APOLD1: variants seen among roughly 807,000 people sequenced by gnomAD.
APOLD1 encodes the protein apolipoprotein L domain containing 1.
A neutral mutation model predicts 15.3 loss-of-function variants in APOLD1; 22 were observed. The ratio of observed to expected loss-of-function variants is 1.44; its 90% CI spans 1.03 to 2.05. The LOEUF is 2.05. APOLD1 is among the 30% of genes most tolerant of loss of function. The probability of loss-of-function intolerance (pLI) is 0.00; values close to 1 mark genes in which losing one functional copy is unlikely to be tolerated. For missense variants in APOLD1, 394 were observed against 353.5 expected, an observed-to-expected ratio of 1.11 and a Z score of -0.92; for synonymous variants, 190 against 167.4, an observed-to-expected ratio of 1.13 and a Z score of -1.04.
At chr12:12,743,373 A>G (rs954760390) in intron 1 of APOLD1, among the ~76,000 whole-genome samples, 6 of 152,206 alleles carry the variant, frequency 3.9e-5, no homozygotes, top group Non-Finnish European at 2.9e-5. Flanking sequence ...TCTTTAAAAA[A>G]AAAAACAGGT....
At chr12:12,740,654 C>A (rs968045737) in intron 1 of APOLD1, among the ~76,000 whole-genome samples, 1 of 152,174 alleles carries the variant, frequency 6.6e-6, no homozygotes, top group African/African-American at 2.4e-5. Flanking sequence ...TAATTATAAG[C>A]CTTAATGCAA....
chr12:12,782,567 T>G (rs1947089696), upstream of APOLD1, among the ~76,000 whole-genome samples: 1 of 152,110 alleles, frequency 6.6e-6, no homozygotes, highest in African/African-American at 2.4e-5. Context: ...AGTCAAAAAA[T>G]AAGGCAGGAG....
rs1947145900 is a variant in APOLD1 at position 12,787,775 on chromosome 12, ACT to A, written c.*124_*125del. Reference sequence around the variant, plus strand: ...GAGCCGAAGGCAAAGGATGAGAAAAACTGTTTTTGAAGTGGGCAGGTCCCCAA... The same window carrying A: ...GAGCCGAAGGCAAAGGATGAGAAAAAGTTTTTGAAGTGGGCAGGTCCCCAA... On this transcript the variant is annotated 3_prime_UTR_variant, in exon 2 of 2. Coordinates refer to ENST00000356591, the MANE Select transcript of APOLD1 (RefSeq NM_030817.3). This position sits in a 1 kb window ranked among gnomAD's most constrained non-coding sequence, Gnocchi z 4.9. 1.4e-6 allele frequency: 2 copies of A among 1,430,270 alleles called. No individual in the cohort carries two copies. The highest frequency in any genetic ancestry group is 4.7e-5 in the East Asian group (2 of 42,680). 88.6% of individuals were successfully genotyped at this position (1,430,270 alleles called of 1,614,324 possible). A position where few individuals can be genotyped will look rare whatever the true frequency, so the allele number is the denominator to read the frequency against.
At chr12:12,752,192 AGGGTAATT>A (rs922862862) in intron 1 of APOLD1, among the ~76,000 whole-genome samples, 8 of 152,228 alleles carry the variant, frequency 5.3e-5, no homozygotes, top group Non-Finnish European at 1.2e-4. Context: ...GTTTTTGGAC[AGGGTAATT>A]TAATCTGACT....
chr12:12,729,863 CA>C (rs1946622485), intron 1 of APOLD1, among the ~76,000 whole-genome samples: 1 of 151,768 alleles, frequency 6.6e-6, no homozygotes, highest in African/African-American at 2.4e-5. Context: ...AAAGAATATA[CA>C]ACTACTGGGA....
chr12:12,726,421 G>A (rs1236854936), intron 1 of APOLD1: 1 of 388,396 alleles, frequency 2.6e-6, no homozygotes, highest in East Asian at 6.7e-5. Flanking sequence ...GATTTAGGAT[G>A]ACTTTTTTTT....
At chr12:12,741,042 A>C (rs1319751697) in intron 1 of APOLD1, among the ~76,000 whole-genome samples, 1 of 152,128 alleles carries the variant, frequency 6.6e-6, no homozygotes, top group Non-Finnish European at 1.5e-5. Context: ...ATGTCTCTCA[A>C]AGTCCTTGTA....
At chr12:12,749,138 C>A (rs996379464) in intron 1 of APOLD1, among the ~76,000 whole-genome samples, 4 of 152,006 alleles carry the variant, frequency 2.6e-5, no homozygotes, top group African/African-American at 9.7e-5. Context: ...TCTTTGGGCA[C>A]CCAAAGCACT....
At chr12:12,776,906 A>T (rs1336939259) in intron 1 of APOLD1, among the ~76,000 whole-genome samples, 2 of 152,248 alleles carry the variant, frequency 1.3e-5, no homozygotes, top group African/African-American at 4.8e-5. Flanking sequence ...ATATAAGACT[A>T]GCCAGCAATA....
upstream of APOLD1, chr12:12,785,531 C>A: frequency 1.6e-6 from 2 of 1,225,198 alleles, no homozygotes; most frequent in Non-Finnish European, 1.2e-6. Context: ...CACCATGTCA[C>A]GTCCTTCTAG....
chr12:12,760,923 G>C (rs1946893857), intron 1 of APOLD1, among the ~76,000 whole-genome samples: 1 of 152,196 alleles, frequency 6.6e-6, no homozygotes, highest in Non-Finnish European at 1.5e-5. Context: ...CTGGTGGAAA[G>C]TTAGATCATT....
intron 1 of APOLD1, among the ~76,000 whole-genome samples, chr12:12,771,922 G>T (rs1274058296): frequency 6.6e-6 from 1 of 151,926 alleles, no homozygotes; most frequent in Non-Finnish European, 1.5e-5. Flanking sequence ...CAGATTCATT[G>T]TAAATGTATA....
upstream of APOLD1, among the ~76,000 whole-genome samples, chr12:12,785,075 G>T (rs1305078517): frequency 6.6e-6 from 1 of 152,164 alleles, no homozygotes; most frequent in Non-Finnish European, 1.5e-5. Flanking sequence ...CTTCTCCACA[G>T]CTGGAGATGC....
chr12:12,777,897 T>G (rs1183536150), intron 1 of APOLD1, among the ~76,000 whole-genome samples: 11 of 19,690 alleles, frequency 5.6e-4, no homozygotes, highest in African/African-American at 1.3e-3. Context: ...GTGTTTTTTT[T>G]TTTTTTTTTT....
intron 1 of APOLD1, among the ~76,000 whole-genome samples, chr12:12,733,810 G>A (rs952664992): frequency 6.6e-6 from 1 of 152,124 alleles, no homozygotes; most frequent in Non-Finnish European, 1.5e-5. Context: ...CTCCATGTTG[G>A]CCAGGTTGAT....
intron 1 of APOLD1, chr12:12,771,532 C>G (rs1302415676): frequency 1.9e-6 from 1 of 518,936 alleles, no homozygotes; most frequent in African/African-American, 1.9e-5. Flanking sequence ...TTTTGTCCAT[C>G]CAATTCATTC....
chr12:12,784,977 T>C (rs538504816), upstream of APOLD1, among the ~76,000 whole-genome samples: 62 of 152,294 alleles, frequency 4.1e-4, no homozygotes, highest in African/African-American at 1.4e-3. Flanking sequence ...TGGTTGAAAG[T>C]GTACAATTAG....
In APOLD1 at chr12:12,746,824, G is replaced by A. The variant is rs139950561; in HGVS notation, c.96+20728G>A. Among the ~76,000 whole-genome samples, 1,244 of 152,038 alleles carry A rather than the reference G, an allele frequency of 8.2e-3. 50 individuals carry two copies. Among genetic ancestry groups the A allele is most frequent in the Admixed American group, 0.071 (1,084 of 15,238 alleles). ...CTTCCCTCCTTCTGGAGTGCCCAGT[G>A]TCTATTCTTATTTTTATGTCTGTGT... On this transcript the variant is annotated intron_variant, in intron 1 of 1. Coordinates refer to the APOLD1 transcript ENST00000326765.
intron 1 of APOLD1, among the ~76,000 whole-genome samples, chr12:12,730,039 T>G (rs1437248994): frequency 1.2e-5 from 1 of 84,562 alleles, no homozygotes; most frequent in Non-Finnish European, 2.4e-5. Flanking sequence ...TGTGTGTGTG[T>G]GTGTGTGTGT....
Sources: allele counts gnomAD v4.1 joint callset (sites outside exome capture counted in the v4.1 genomes callset), GRCh38; gene constraint gnomAD v4.1.1; non-coding constraint Gnocchi (gnomAD v3.1); transcripts MANE v1.5; gene names NCBI Gene and HGNC (gene_info 2026-07-23, HGNC 2026-07-21).